Variants in GRM5 observed in about 807,000 individuals in gnomAD.
The protein encoded by GRM5 is glutamate metabotropic receptor 5.
GRM5 carries 19 observed loss-of-function variants against 83.1 expected under a neutral mutation model. That is an observed-to-expected ratio of 0.23 (90% confidence interval 0.16 to 0.34). GRM5 has a LOEUF of 0.34. GRM5 is among the 10% of genes least tolerant of loss of function. The probability of loss-of-function intolerance (pLI) is 1.00; values close to 1 mark genes in which losing one functional copy is unlikely to be tolerated. For synonymous variants in GRM5, 675 were observed against 633.6 expected, an observed-to-expected ratio of 1.07 and a Z score of -0.98; for missense variants, 1,160 against 1,588.3, an observed-to-expected ratio of 0.73 and a Z score of 4.58.
intron 4 of GRM5, among the ~76,000 whole-genome samples, chr11:88,647,376 C>A (rs1434602127): frequency 4.9e-5 from 6 of 121,610 alleles, no homozygotes; most frequent in Non-Finnish European, 7.8e-5. Context: ...GAAAAAGAAC[C>A]AGTAATCCTT....
At chr11:88,812,513 A>T (rs1943605223) in intron 3 of GRM5, among the ~76,000 whole-genome samples, 1 of 152,118 alleles carries the variant, frequency 6.6e-6, no homozygotes, top group Non-Finnish European at 1.5e-5. Flanking sequence ...TTTTGACTTA[A>T]TTTTTTTCTA....
At chr11:88,986,365 G>T (rs1265339455) in intron 2 of GRM5, among the ~76,000 whole-genome samples, 1 of 152,146 alleles carries the variant, frequency 6.6e-6, no homozygotes, top group Admixed American at 6.5e-5. Flanking sequence ...GAAGTGGTGT[G>T]GCTATAAAAG....
At chr11:88,618,089 T>A (rs1319875557) in intron 4 of GRM5, among the ~76,000 whole-genome samples, 1 of 152,220 alleles carries the variant, frequency 6.6e-6, no homozygotes, top group Non-Finnish European at 1.5e-5. Flanking sequence ...CAATGAGGCA[T>A]ATGTTTGATA....
chr11:88,852,285 G>C (rs1032181201), intron 2 of GRM5, among the ~76,000 whole-genome samples: 7 of 152,114 alleles, frequency 4.6e-5, no homozygotes, highest in African/African-American at 1.7e-4. Flanking sequence ...TTTGTTATTA[G>C]AGAAACCTGA....
intron 2 of GRM5, among the ~76,000 whole-genome samples, chr11:88,854,729 A>G (rs1389330913): frequency 6.6e-6 from 1 of 151,990 alleles, no homozygotes; most frequent in Non-Finnish European, 1.5e-5. Context: ...AAATCCAACA[A>G]AGGGCAATAT....
intron 3 of GRM5, among the ~76,000 whole-genome samples, chr11:88,743,024 T>C (rs958950337): frequency 4.6e-5 from 7 of 152,104 alleles, no homozygotes; most frequent in South Asian, 4.1e-4. Context: ...TCTGAAAAGA[T>C]GCATTTAAAA....
chr11:88,661,192 A>G (rs759797067), intron 3 of GRM5, among the ~76,000 whole-genome samples: 1 of 152,204 alleles, frequency 6.6e-6, no homozygotes, highest in Non-Finnish European at 1.5e-5. Context: ...AATGCTTGTT[A>G]TAATGCTCAG....
chr11:88,912,208 A>T (rs1415888904), intron 2 of GRM5: 2 of 192,272 alleles, frequency 1.0e-5, no homozygotes, highest in Non-Finnish European at 2.4e-5. Flanking sequence ...CCGCATCAAG[A>T]TAATACATTT....
At chr11:88,917,423 T>C (rs1341215459) in intron 2 of GRM5, among the ~76,000 whole-genome samples, 2 of 152,198 alleles carry the variant, frequency 1.3e-5, no homozygotes, top group Non-Finnish European at 2.9e-5. Context: ...AGTTTTTCAA[T>C]GTCCAGACAT....
intron 3 of GRM5, among the ~76,000 whole-genome samples, chr11:88,719,428 G>A (rs887841365): frequency 6.6e-6 from 1 of 152,034 alleles, no homozygotes; most frequent in Non-Finnish European, 1.5e-5. Context: ...ATTACATGGT[G>A]TATATGTATC....
intron 3 of GRM5, among the ~76,000 whole-genome samples, chr11:88,821,370 G>GCAAAAAA (rs1943790850): frequency 3.4e-5 from 4 of 118,628 alleles, no homozygotes; most frequent in Admixed American, 8.9e-5. Context: ...AAAGAAAAAA[G>GCAAAAAA]AAAAAAAAAA....
At chr11:88,816,166 T>C (rs1432663080) in intron 3 of GRM5, among the ~76,000 whole-genome samples, 14 of 132,902 alleles carry the variant, frequency 1.1e-4, no homozygotes, top group Admixed American at 8.2e-4. Context: ...TGAGCCGAGA[T>C]TGCGCCACTG....
chr11:88,980,621 G>A (rs1398151752), intron 2 of GRM5, among the ~76,000 whole-genome samples: 2 of 152,160 alleles, frequency 1.3e-5, no homozygotes, highest in South Asian at 2.1e-4. Flanking sequence ...AGGAGATCTA[G>A]ACCATCCTGG....
chr11:89,013,506 A>G (rs1940764944), intron 2 of GRM5, among the ~76,000 whole-genome samples: 1 of 152,206 alleles, frequency 6.6e-6, no homozygotes, highest in South Asian at 2.1e-4. Context: ...CTGATGGTGA[A>G]GTCAACAATA....
At chr11:88,566,927 C>A in intron 8 of GRM5, 126 bp downstream of exon 8, 1 of 633,888 alleles carries the variant, frequency 1.6e-6, no homozygotes, top group Non-Finnish European at 2.8e-6. Flanking sequence ...AAGGTCCATG[C>A]CGTAAGTCAC....
At chr11:88,684,721 C>A (rs1476835370) in intron 3 of GRM5, among the ~76,000 whole-genome samples, 2 of 152,194 alleles carry the variant, frequency 1.3e-5, no homozygotes, top group Non-Finnish European at 2.9e-5. Context: ...AATCATGGGG[C>A]AGTTCCCCCG....
chr11:88,597,084 A>G lies in GRM5; in HGVS notation c.1563+100T>C. 4.3e-6 allele frequency: 3 copies of G among 694,360 alleles called. No homozygotes were observed. In the African/African-American group the frequency reaches 5.4e-5, roughly 13 times the overall value. The allele number at this position is 694,360 out of a possible 1,614,324, so 43.0% of individuals were successfully genotyped here. ...TTCTGACATTAGAAGCTTACAATAT[A>G]AAAAGTAAAATAAGTGTCTAAAATT... On this transcript the variant is annotated intron_variant, in intron 6 of 9. Transcript: ENST00000305447.
At chr11:88,599,558 T>G (rs888669512) in intron 5 of GRM5, among the ~76,000 whole-genome samples, 23 of 152,224 alleles carry the variant, frequency 1.5e-4, no homozygotes, top group Non-Finnish European at 2.8e-4. Flanking sequence ...CCTTTTAATT[T>G]TCAGAGATAG....
intron 2 of GRM5, among the ~76,000 whole-genome samples, chr11:88,851,770 G>A (rs988175429): frequency 6.6e-6 from 1 of 152,212 alleles, no homozygotes; most frequent in Non-Finnish European, 1.5e-5. Flanking sequence ...GAGCAGAGCA[G>A]GTCAGCTTGA....
Sources: allele counts gnomAD v4.1 joint callset (sites outside exome capture counted in the v4.1 genomes callset), GRCh38; gene constraint gnomAD v4.1.1; transcripts MANE v1.5; gene names NCBI Gene and HGNC (gene_info 2026-07-23, HGNC 2026-07-21).